MGMT: variants seen among roughly 807,000 people sequenced by gnomAD.
MGMT encodes the protein methylated-DNA--protein-cysteine methyltransferase.
Under a neutral mutation model 15.9 loss-of-function variants are expected in MGMT, and 14 were observed. That is an observed-to-expected ratio of 0.88 (90% confidence interval 0.58 to 1.37). The LOEUF is 1.37. MGMT is among the 40% of genes most tolerant of loss of function. The pLI, the probability that MGMT is intolerant of heterozygous loss-of-function variation, is 0.00. For missense variants in MGMT, 282 were observed against 268.1 expected (o/e 1.05, Z -0.36); for synonymous variants, 130 against 118.2 (o/e 1.10, Z -0.65).
chr10:129,749,354 C>T (rs887440805), intron 3 of MGMT, among the ~76,000 whole-genome samples: 4 of 152,186 alleles, frequency 2.6e-5, no homozygotes, highest in Admixed American at 2.6e-4. Flanking sequence ...AGTTTTGCTT[C>T]TTCCAGAATG....
At chr10:129,764,137 G>A (rs143448519) in intron 4 of MGMT, among the ~76,000 whole-genome samples, 1 of 152,354 alleles carries the variant, frequency 6.6e-6, no homozygotes, top group East Asian at 1.9e-4. Context: ...AGCCATGCAG[G>A]AGAGTGGTTA....
At chr10:129,694,829 C>T (rs1848011903) in intron 2 of MGMT, among the ~76,000 whole-genome samples, 1 of 152,182 alleles carries the variant, frequency 6.6e-6, no homozygotes. Flanking sequence ...CTCTGGCCTC[C>T]AGCATGATTT....
At chr10:129,676,725 A>C (rs1847790220) in intron 2 of MGMT, among the ~76,000 whole-genome samples, 1 of 152,104 alleles carries the variant, frequency 6.6e-6, no homozygotes, top group African/African-American at 2.4e-5. Flanking sequence ...GAGGAAATGA[A>C]ATTTTCTATC....
chr10:129,610,327 C>G (rs1165252778), intron 2 of MGMT, among the ~76,000 whole-genome samples: 1 of 152,208 alleles, frequency 6.6e-6, no homozygotes, highest in Non-Finnish European at 1.5e-5. Flanking sequence ...AGTCAACCCT[C>G]AACCCTTTCT....
At chr10:129,729,131 G>A (rs1848467531) in intron 3 of MGMT, among the ~76,000 whole-genome samples, 1 of 152,110 alleles carries the variant, frequency 6.6e-6, no homozygotes, top group Non-Finnish European at 1.5e-5. Context: ...GTTGGAGGGT[G>A]CAGAGCTTCT....
At chr10:129,750,650 G>C (rs550806403) in intron 3 of MGMT, among the ~76,000 whole-genome samples, 4 of 152,146 alleles carry the variant, frequency 2.6e-5, no homozygotes, top group South Asian at 2.1e-4. Context: ...TCTACAGGAG[G>C]ATGTGCAAGG....
chr10:129,555,116 C>G (rs1170407300), intron 2 of MGMT, among the ~76,000 whole-genome samples: 1 of 152,198 alleles, frequency 6.6e-6, no homozygotes, highest in East Asian at 1.9e-4. Flanking sequence ...CTATTTCTAC[C>G]ACTTCCTAAG....
chr10:129,742,710 C>T (rs1018969422), intron 3 of MGMT, among the ~76,000 whole-genome samples: 5 of 148,270 alleles, frequency 3.4e-5, no homozygotes, highest in African/African-American at 7.5e-5. Flanking sequence ...AGGGCTGGGG[C>T]GTTCAGCAGT....
intron 1 of MGMT, among the ~76,000 whole-genome samples, chr10:129,531,426 T>C (rs1174273860): frequency 6.6e-6 from 1 of 152,122 alleles, no homozygotes; most frequent in Non-Finnish European, 1.5e-5. Context: ...CTTTTCTCAC[T>C]GCCTGATTTC....
At chr10:129,761,994 A>C (rs1848879555) in intron 4 of MGMT, among the ~76,000 whole-genome samples, 1 of 152,236 alleles carries the variant, frequency 6.6e-6, no homozygotes, top group Non-Finnish European at 1.5e-5. Flanking sequence ...CAGCCTCCCA[A>C]GTTCCCATTA....
chr10:129,645,432 G>A (rs73388758), intron 2 of MGMT, among the ~76,000 whole-genome samples: 5,165 of 152,204 alleles, frequency 0.034, 214 homozygotes, highest in African/African-American at 0.097. Flanking sequence ...AAAAGCCCAC[G>A]TTTGGCAGGG....
chr10:129,599,068 G>A (rs1233764316), intron 2 of MGMT, among the ~76,000 whole-genome samples: 3 of 152,138 alleles, frequency 2.0e-5, no homozygotes, highest in African/African-American at 4.8e-5. Flanking sequence ...ATTGAGCAAC[G>A]AACAATTCGC....
At chr10:129,685,260 A>AT (rs1847892700) in intron 2 of MGMT, among the ~76,000 whole-genome samples, 1 of 152,252 alleles carries the variant, frequency 6.6e-6, no homozygotes, top group African/African-American at 2.4e-5. Flanking sequence ...TAATGACTTG[A>AT]ACAAGACTGC....
At chr10:129,568,622 G>GA (rs1445382513) in intron 2 of MGMT, among the ~76,000 whole-genome samples, 2 of 152,104 alleles carry the variant, frequency 1.3e-5, no homozygotes, top group South Asian at 2.1e-4. Flanking sequence ...GAATTAAGAG[G>GA]AAAAAAAGGT....
intron 2 of MGMT, among the ~76,000 whole-genome samples, chr10:129,619,820 C>G (rs1847071082): frequency 1.3e-5 from 2 of 152,212 alleles, no homozygotes; most frequent in Admixed American, 1.3e-4. Context: ...TGCTATTCCA[C>G]TGCCCTTTTT....
intron 1 of MGMT, among the ~76,000 whole-genome samples, chr10:129,511,616 T>A (rs775093588): frequency 2.2e-4 from 34 of 152,226 alleles, no homozygotes; most frequent in Non-Finnish European, 3.2e-4. Context: ...GTGTGTTTTG[T>A]TTAACACAGC....
At chr10:129,755,343 G>A (rs1177501563) in intron 3 of MGMT, among the ~76,000 whole-genome samples, 1 of 152,236 alleles carries the variant, frequency 6.6e-6, no homozygotes, top group Non-Finnish European at 1.5e-5. Context: ...GCCAGTGGCT[G>A]CTGCACAGGG....
chr10:129,501,194 G>A (rs969337025), intron 1 of MGMT, among the ~76,000 whole-genome samples: 1 of 152,194 alleles, frequency 6.6e-6, no homozygotes, highest in African/African-American at 2.4e-5. Context: ...GGCTGGAGGT[G>A]AGAGGTGTCC....
chr10:129,741,365 T>A (rs1451776449), intron 3 of MGMT, among the ~76,000 whole-genome samples: 1 of 152,240 alleles, frequency 6.6e-6, no homozygotes, highest in African/African-American at 2.4e-5. Flanking sequence ...AGGCTGCTGT[T>A]GGCCTTGCCA....
Sources: allele counts gnomAD v4.1 joint callset (sites outside exome capture counted in the v4.1 genomes callset), GRCh38; gene constraint gnomAD v4.1.1; transcripts MANE v1.5; gene names NCBI Gene and HGNC (gene_info 2026-07-23, HGNC 2026-07-21).